The following TANC2 variants were observed in gnomAD, a reference collection of about 807,000 sequenced individuals.
TANC2 encodes protein TANC2.
TANC2 carries 26 observed loss-of-function variants against 210.5 expected under a neutral mutation model. That is an observed-to-expected ratio of 0.12 (90% CI 0.09 to 0.17). The LOEUF is 0.17. Ranked by LOEUF, TANC2 falls within the 10% of genes least tolerant of loss-of-function variation. The pLI, the probability that TANC2 is intolerant of heterozygous loss-of-function variation, is 1.00. For missense variants in TANC2, 2,129 were observed against 2,608.9 expected, an observed-to-expected ratio of 0.82 and a Z score of 4.01; for synonymous variants, 931 against 967.1, an observed-to-expected ratio of 0.96 and a Z score of 0.69.
intron 8 of TANC2, among the ~76,000 whole-genome samples, chr17:63,242,334 C>G (rs1036284124): frequency 1.3e-5 from 2 of 151,976 alleles, no homozygotes; most frequent in Non-Finnish European, 2.9e-5. Context: ...CCACTCTCCT[C>G]TCTACACCTA....
At chr17:63,077,689 A>C (rs1452326051) in intron 3 of TANC2, among the ~76,000 whole-genome samples, 2 of 152,318 alleles carry the variant, frequency 1.3e-5, no homozygotes, top group East Asian at 3.9e-4. Flanking sequence ...GTAAGAAAGG[A>C]GATGTTAGAA....
intron 3 of TANC2, among the ~76,000 whole-genome samples, chr17:63,084,735 C>T (rs2036897996): frequency 6.6e-6 from 1 of 151,884 alleles, no homozygotes; most frequent in South Asian, 2.1e-4. Context: ...CTTCTTTGAA[C>T]TGTGTGTTAT....
chr17:63,048,766 G>A (rs923243905), intron 2 of TANC2, among the ~76,000 whole-genome samples: 3 of 152,110 alleles, frequency 2.0e-5, no homozygotes, highest in Non-Finnish European at 4.4e-5. Context: ...GAGACAAAGA[G>A]GGGAACAACA....
At chr17:62,989,765 T>G (rs1374884609) in intron 1 of TANC2, among the ~76,000 whole-genome samples, 2 of 146,558 alleles carry the variant, frequency 1.4e-5, no homozygotes, top group African/African-American at 5.2e-5. Context: ...AAAAAACACA[T>G]GCTTTTTTTT....
intron 11 of TANC2, among the ~76,000 whole-genome samples, chr17:63,335,232 CA>C (rs1273220837): frequency 2.6e-5 from 4 of 152,094 alleles, no homozygotes; most frequent in Non-Finnish European, 2.9e-5. Flanking sequence ...GTATTCTTGA[CA>C]AAAATTCTCA....
Position 63,084,365 on chromosome 17 carries a change from TTC to T in TANC2, c.139+10363_139+10364del, listed in dbSNP as rs767589312. Among the ~76,000 whole-genome samples the T allele has an allele frequency of 8.6e-5, 13 of 151,896 alleles. No homozygotes were observed. In the South Asian group the frequency reaches 1.5e-3, roughly 17 times the overall value. On this transcript the variant is annotated intron_variant, in intron 3 of 27. Transcript: ENST00000689528. ...TCTGGGATTAGTAATTTGTGTCTCT[TTC>T]TCTCTCTCTCTTTTTTAGCCTGGCT...
intron 9 of TANC2, among the ~76,000 whole-genome samples, chr17:63,278,628 A>G (rs1050584546): frequency 1.3e-5 from 2 of 152,114 alleles, no homozygotes; most frequent in Non-Finnish European, 1.5e-5. Flanking sequence ...ACTTCTGGGT[A>G]TTTTTCCAAA....
At chr17:63,112,366 A>AG (rs2038083260) in intron 4 of TANC2, among the ~76,000 whole-genome samples, 1 of 152,168 alleles carries the variant, frequency 6.6e-6, no homozygotes, top group Non-Finnish European at 1.5e-5. Flanking sequence ...AAGGGAATCT[A>AG]GGGGGAGGCA....
chr17:63,060,436 C>T (rs1381998712), intron 2 of TANC2, among the ~76,000 whole-genome samples: 3 of 152,094 alleles, frequency 2.0e-5, no homozygotes, highest in South Asian at 2.1e-4. Context: ...ACCTGGCCAA[C>T]ATGGTGAAAC....
intron 2 of TANC2, among the ~76,000 whole-genome samples, chr17:63,023,913 T>C (rs1343994675): frequency 6.6e-6 from 1 of 152,230 alleles, no homozygotes; most frequent in Non-Finnish European, 1.5e-5. Context: ...CACAAATTTG[T>C]AGCAATTCTG....
chr17:63,180,133 C>A (rs2040730456), intron 5 of TANC2, among the ~76,000 whole-genome samples: 1 of 151,840 alleles, frequency 6.6e-6, no homozygotes, highest in Admixed American at 6.6e-5. Flanking sequence ...GACCCTATCT[C>A]AAAAAAACAA....
intron 6 of TANC2, among the ~76,000 whole-genome samples, chr17:63,194,797 A>G (rs979879048): frequency 6.6e-6 from 1 of 152,104 alleles, no homozygotes; most frequent in Admixed American, 6.5e-5. Context: ...TTTTCTAAGT[A>G]TCCGTCTCAG....
At chr17:63,203,083 A>G (rs1432106327) in intron 7 of TANC2, among the ~76,000 whole-genome samples, 1 of 152,150 alleles carries the variant, frequency 6.6e-6, no homozygotes, top group African/African-American at 2.4e-5. Flanking sequence ...GTCATGGGGC[A>G]TATGATTATT....
At chr17:63,262,329 G>A (rs1207068034) in intron 8 of TANC2, among the ~76,000 whole-genome samples, 5 of 152,020 alleles carry the variant, frequency 3.3e-5, no homozygotes, top group African/African-American at 1.2e-4. Context: ...ACGGACATGC[G>A]CACTATACCC....
At chr17:63,411,179 G>A (rs555681990) in intron 21 of TANC2, among the ~76,000 whole-genome samples, 1 of 151,988 alleles carries the variant, frequency 6.6e-6, no homozygotes, top group African/African-American at 2.4e-5. Context: ...CGGGAGGATT[G>A]ACGGGAGATC....
At chr17:63,102,492 T>A (rs1414132637) in intron 4 of TANC2, among the ~76,000 whole-genome samples, 1 of 151,922 alleles carries the variant, frequency 6.6e-6, no homozygotes, top group East Asian at 1.9e-4. Flanking sequence ...TTTATTATAC[T>A]TTAAGTTTTA....
intron 2 of TANC2, among the ~76,000 whole-genome samples, chr17:63,009,911 A>G (rs2033790766): frequency 6.6e-6 from 1 of 152,196 alleles, no homozygotes; most frequent in Non-Finnish European, 1.5e-5. Flanking sequence ...TCTAGACCTA[A>G]GTTTATGTTT....
intron 1 of TANC2, among the ~76,000 whole-genome samples, chr17:62,983,278 T>C (rs563690824): frequency 1.3e-5 from 2 of 152,258 alleles, no homozygotes; most frequent in South Asian, 2.1e-4. Context: ...ACTACTGATA[T>C]TTGTTTGAAT....
intron 9 of TANC2, among the ~76,000 whole-genome samples, chr17:63,271,470 G>T (rs2043704523): frequency 6.9e-6 from 1 of 145,312 alleles, no homozygotes. Flanking sequence ...TTTAAGTTCT[G>T]GGATACATGT....
Sources: gnomAD v4.1 joint callset for allele counts (sites outside exome capture counted in the v4.1 genomes callset) on GRCh38, gnomAD v4.1.1 for gene constraint, MANE v1.5 for transcripts, NCBI Gene and HGNC (gene_info 2026-07-23, HGNC 2026-07-21) for gene names.